Variants in AIF1 observed in about 807,000 individuals in gnomAD.
The protein encoded by AIF1 is interferon gamma responsive transcript.
In AIF1, 21 loss-of-function variants were observed where a neutral mutation model predicts 20.6. The ratio of observed to expected loss-of-function variants is 1.02; its 90% CI spans 0.72 to 1.47. AIF1 has a LOEUF of 1.47. AIF1 is among the 40% of genes most tolerant of loss of function. The pLI, the probability that AIF1 is intolerant of heterozygous loss-of-function variation, is 0.00. For missense variants in AIF1, 161 were observed against 170.5 expected (o/e 0.94, Z 0.31); for synonymous variants, 52 against 65.8 (o/e 0.79, Z 1.01).
chr6:31,615,751 G>A lies in AIF1; in HGVS notation c.154+15G>A. The stretch of plus-strand genomic sequence containing the variant: ...AGGCTTCAAAGGTGAGGGGGAAACT[G>A]TAGGCGGTGGAGACAGGGCTGGGGG... On this transcript the variant is annotated intron_variant, in intron 3 of 5. Coordinates refer to ENST00000376059, the MANE Select transcript of AIF1 (RefSeq NM_001623.5). 2 of 1,602,960 alleles carry A rather than the reference G, an allele frequency of 1.2e-6. No individual in the cohort carries two copies. Among genetic ancestry groups the A allele is most frequent in the Non-Finnish European group, 1.7e-6 (2 of 1,174,216 alleles).
chr6:31,615,564 G>C lies in AIF1; in HGVS notation c.69G>C (p.Arg23Ser). ...FGLLKAQQEE[R>S]LDEINKQFLD... is the part of the protein sequence containing the mutation. ...TGCTGAAGGCCCAGCAGGAAGAGAG[G>C]CTGGATGAGATCAACAAGGTAGAAG... The change falls in exon 2 of 6, where the codon AGG becomes AGC. Residue 23 changes from arginine (R) to serine (S), a missense_variant. By Grantham distance (110) the Arg-to-Ser change is moderately radical. Transcript: ENST00000376059. 6.2e-7 allele frequency: 1 copy of C among 1,613,852 alleles called. No homozygotes were observed. The highest frequency in any genetic ancestry group is 8.5e-7 in the Non-Finnish European group (1 of 1,179,970).
chr6:31,616,868 C>G lies in AIF1; in HGVS notation c.412C>G (p.Pro138Ala). 1 of 1,614,186 alleles carries G rather than the reference C, an allele frequency of 6.2e-7. No homozygotes were observed. Among genetic ancestry groups the G allele is most frequent in the East Asian group, 2.2e-5 (1 of 44,892 alleles). Residue 138 changes from proline to alanine, a missense_variant, in exon 6 of 6, where the codon CCA becomes GCA. Physicochemically the swap from Pro to Ala is conservative, Grantham distance 27. Coordinates refer to ENST00000376059, the MANE Select transcript of AIF1 (RefSeq NM_001623.5). The surrounding 1 kb of genome is among the most constrained non-coding windows in gnomAD (Gnocchi z 4.0). ...AGAAAAGGAAAAGCCAACAGGCCCCCCAGCCAAGAAAGCTATCTCTGAGTT... is the reference window on the plus strand; with the variant it reads ...AGAAAAGGAAAAGCCAACAGGCCCCGCAGCCAAGAAAGCTATCTCTGAGTT... ...AREKEKPTGP[P>A]AKKAISELP
Position 31,616,042 on chromosome 6 carries a change from C to G in AIF1, c.155-62C>G. ...AGCAGTTGGTTGGCAACCCCTTCCT[C>G]AGTCCCCTGCTGAAAACCCTCCAGT... On this transcript the variant is annotated intron_variant, in intron 3 of 5. Coordinates refer to ENST00000376059, the MANE Select transcript of AIF1 (RefSeq NM_001623.5). The surrounding 1 kb of genome is among the most constrained non-coding windows in gnomAD (Gnocchi z 4.0). 3 of 1,526,044 alleles carry G rather than the reference C, an allele frequency of 2.0e-6. No individual in the cohort carries two copies. Among genetic ancestry groups the G allele is most frequent in the Non-Finnish European group, 2.6e-6 (3 of 1,139,180 alleles). The allele number at this position is 1,526,044 out of a possible 1,614,324, so 94.5% of individuals were successfully genotyped here. A position where few individuals can be genotyped will look rare whatever the true frequency, so the allele number is the denominator to read the frequency against.
Position 31,615,665 on chromosome 6 carries a change from C to T in AIF1, c.88-5C>T, listed in dbSNP as rs1351765329. 1.2e-6 allele frequency: 2 copies of T among 1,613,094 alleles called. No homozygotes were observed. The highest frequency in any genetic ancestry group is 2.7e-5 in the African/African-American group (2 of 74,834). On this transcript the variant is annotated splice_region_variant and splice_polypyrimidine_tract_variant and intron_variant, in intron 2 of 5. Transcript: ENST00000376059. The stretch of plus-strand genomic sequence containing the variant: ...CTACCCTGGCTCTTATTTTCCCCTC[C>T]ATAGCAATTCCTAGACGATCCCAAA...
chr6:31,616,396 C>T lies in AIF1; in HGVS notation c.249C>T (p.His83=), dbSNP rs1462917863. 1 of 1,613,002 alleles carries T rather than the reference C, an allele frequency of 6.2e-7. No homozygotes were observed. Among genetic ancestry groups the T allele is most frequent in the South Asian group, 1.1e-5 (1 of 91,072 alleles). Residue 83 remains histidine (H), a synonymous_variant, in exon 5 of 6, where the codon CAC becomes CAT. Coordinates refer to ENST00000376059, the MANE Select transcript of AIF1 (RefSeq NM_001623.5). This position sits in a 1 kb window ranked among gnomAD's most constrained non-coding sequence, Gnocchi z 4.0. ...MLEKLGVPKT[H]LELKKLIGEV... ...AGAAACTTGGAGTCCCCAAGACTCA[C>T]CTAGAGCTAAAGAAATTAATTGGAG... is the stretch of plus-strand genomic sequence containing the variant.
Position 31,616,557 on chromosome 6 carries a change from C to A in AIF1, c.359+51C>A. ...TGTACTTACCTGTTTTCTCCTCCCC[C>A]ATCCCTACCCTTGTCCACAGGCTCA... On this transcript the variant is annotated intron_variant, in intron 5 of 5. Transcript: ENST00000376059. This position sits in a 1 kb window ranked among gnomAD's most constrained non-coding sequence, Gnocchi z 4.0. 2 of 1,551,730 alleles carry A rather than the reference C, an allele frequency of 1.3e-6. No homozygotes were observed. The highest frequency in any genetic ancestry group is 1.7e-6 in the Non-Finnish European group (2 of 1,150,340).
In AIF1 at chr6:31,616,065, A is replaced by C; in HGVS notation, c.155-39A>C. On this transcript the variant is annotated intron_variant, in intron 3 of 5. Coordinates refer to ENST00000376059, the MANE Select transcript of AIF1 (RefSeq NM_001623.5). This position sits in a 1 kb window ranked among gnomAD's most constrained non-coding sequence, Gnocchi z 4.0. ...CTCAGTCCCCTGCTGAAAACCCTCC[A>C]GTCAGCGCTTATCCCTTCTGCTCTC... 1.3e-6 allele frequency: 2 copies of C among 1,538,610 alleles called. No individual in the cohort carries two copies. The highest frequency in any genetic ancestry group is 1.7e-6 in the Non-Finnish European group (2 of 1,143,180).
rs1774441963 is a variant in AIF1, at chr6:31,616,997, T to TA, written c.*100dup. 1.3e-6 allele frequency: 2 copies of TA among 1,517,032 alleles called. No homozygotes were observed. The highest frequency in any genetic ancestry group is 1.8e-6 in the Non-Finnish European group (2 of 1,114,568). 94.0% of individuals were successfully genotyped at this position (1,517,032 alleles called of 1,614,324 possible). On this transcript the variant is annotated 3_prime_UTR_variant, in exon 6 of 6. Transcript: ENST00000376059. This position sits in a 1 kb window ranked among gnomAD's most constrained non-coding sequence, Gnocchi z 4.0. ...TGTAAGCCAGAGTCAACAAATTAAA[T>TA]AAATTACCCCCTCCTCCAGATCAAG...
chr6:31,615,975 C>T (rs1774312347), intron 3 of AIF1, 129 bp from the exon 4 acceptor site: 1 of 1,511,234 alleles, frequency 6.6e-7, no homozygotes, highest in Non-Finnish European at 8.8e-7. Context: ...CCCACTTCCT[C>T]TGCCTGCCCC....
Position 31,615,597 on chromosome 6 carries a change from T to C in AIF1, c.87+15T>C, listed in dbSNP as rs747425422. ...AGATCAACAAGGTAGAAGGAAGAAC[T>C]AAGGGGGCAGAGCCAGGGGGATGGG... On this transcript the variant is annotated intron_variant, in intron 2 of 5. Coordinates refer to ENST00000376059, the MANE Select transcript of AIF1 (RefSeq NM_001623.5). 6.2e-7 allele frequency: 1 copy of C among 1,611,730 alleles called. No individual in the cohort carries two copies. Among genetic ancestry groups the C allele is most frequent in the South Asian group, 1.1e-5 (1 of 91,004 alleles).
chr6:31,616,866 C>A lies in AIF1; in HGVS notation c.410C>A (p.Pro137His). ...KAREKEKPTG[P>H]PAKKAISELP ...AGAGAAAAGGAAAAGCCAACAGGCC[C>A]CCCAGCCAAGAAAGCTATCTCTGAG... Residue 137 changes from proline to histidine, a missense_variant, in exon 6 of 6, where the codon CCC becomes CAC. Coordinates refer to ENST00000376059, the MANE Select transcript of AIF1 (RefSeq NM_001623.5). The surrounding 1 kb of genome is among the most constrained non-coding windows in gnomAD (Gnocchi z 4.0). 6.2e-7 allele frequency: 1 copy of A among 1,614,168 alleles called. No homozygotes were observed. Among genetic ancestry groups the A allele is most frequent in the Non-Finnish European group, 8.5e-7 (1 of 1,180,034 alleles).
intron 3 of AIF1, 118 bp from the exon 4 acceptor site, chr6:31,615,983 CCCT>C: frequency 2.0e-6 from 3 of 1,516,648 alleles, no homozygotes; most frequent in Admixed American, 4.5e-5. Flanking sequence ...CTCTGCCTGC[CCCT>C]CCTCCTCCTT....
At chr6:31,615,609 G>T in intron 2 of AIF1, 27 bp downstream of exon 2, 1 of 1,613,668 alleles carries the variant, frequency 6.2e-7, no homozygotes, top group Non-Finnish European at 8.5e-7. Context: ...AGGGGGCAGA[G>T]CCAGGGGGAT....
rs1561770624 is a variant in AIF1, at chr6:31,616,839, CGA to C, written c.388_389del (p.Glu130LysfsTer15). The stretch of plus-strand genomic sequence containing the variant: ...AGGATCCTGATGTATGAGGAAAAAG[CGA>C]GAGAAAAGGAAAAGCCAACAGGCCC... On this transcript the variant is annotated frameshift_variant, in exon 6 of 6. Transcript: ENST00000376059. LOFTEE classifies it high-confidence loss of function. This position sits in a 1 kb window ranked among gnomAD's most constrained non-coding sequence, Gnocchi z 4.0. 6.2e-7 allele frequency: 1 copy of C among 1,613,936 alleles called. No individual in the cohort carries two copies. The highest frequency in any genetic ancestry group is 1.3e-5 in the African/African-American group (1 of 74,872).
At position 31,616,999 on chromosome 6, in the gene AIF1, A is replaced by C; in HGVS notation, c.*99A>C. ...TAAGCCAGAGTCAACAAATTAAATA[A>C]ATTACCCCCTCCTCCAGATCAAGTC... is the stretch of plus-strand genomic sequence containing the variant. On this transcript the variant is annotated 3_prime_UTR_variant, in exon 6 of 6. Transcript: ENST00000376059. The surrounding 1 kb of genome is among the most constrained non-coding windows in gnomAD (Gnocchi z 4.0). 1 of 1,507,226 alleles carries C rather than the reference A, an allele frequency of 6.6e-7. No homozygotes were observed. Among genetic ancestry groups the C allele is most frequent in the Non-Finnish European group, 9.0e-7 (1 of 1,106,972 alleles). The allele number at this position is 1,507,226 out of a possible 1,614,324, so 93.4% of individuals were successfully genotyped here.
chr6:31,615,235 G>C lies in AIF1; in HGVS notation c.-95G>C, dbSNP rs768865769. ...GGGGAAAGGGGAAGTTTGGGAGGAA[G>C]GCTTCTGAGAAGACTGGTGGGAGAG... is the stretch of plus-strand genomic sequence containing the variant. On this transcript the variant is annotated 5_prime_UTR_variant, in exon 1 of 6. Transcript: ENST00000376059. 9 of 1,602,734 alleles carry C rather than the reference G, an allele frequency of 5.6e-6. No individual in the cohort carries two copies. Among genetic ancestry groups the C allele is most frequent in the Non-Finnish European group, 7.7e-6 (9 of 1,174,570 alleles).
Position 31,616,349 on chromosome 6 carries a change from A to G in AIF1, c.202A>G (p.Met68Val), listed in dbSNP as rs1353310029. Residue 68 changes from methionine to valine, a missense_variant, in exon 5 of 6, where the codon ATG becomes GTG. Transcript: ENST00000376059. This position sits in a 1 kb window ranked among gnomAD's most constrained non-coding sequence, Gnocchi z 4.0. ...TCCCCATCCTCTGCCCCCAGATATC[A>G]TGTCCCTGAAACGAATGCTGGAGAA... ...DLNGNGDIDI[M>V]SLKRMLEKLG... The G allele has an allele frequency of 6.2e-7, 1 of 1,612,884 alleles. No individual in the cohort carries two copies. The highest frequency in any genetic ancestry group is 1.3e-5 in the African/African-American group (1 of 74,976).
chr6:31,615,506 T>C lies in AIF1; in HGVS notation c.26-15T>C. On this transcript the variant is annotated splice_polypyrimidine_tract_variant and intron_variant, in intron 1 of 5. Coordinates refer to ENST00000376059, the MANE Select transcript of AIF1 (RefSeq NM_001623.5). ...AGGGAGGGATGAGGGCTGATTAATT[T>C]TTTTCACCCCACAGGAGGAAAAGCT... 6.2e-7 allele frequency: 1 copy of C among 1,613,588 alleles called. No individual in the cohort carries two copies. Among genetic ancestry groups the C allele is most frequent in the Non-Finnish European group, 8.5e-7 (1 of 1,179,952 alleles).
Position 31,615,520 on chromosome 6 carries a change from G to A in AIF1, c.26-1G>A, listed in dbSNP as rs1373517084. On this transcript the variant is annotated splice_acceptor_variant, in intron 1 of 5. Transcript: ENST00000376059. LOFTEE classifies it high-confidence loss of function. ...GCTGATTAATTTTTTTCACCCCACA[G>A]GAGGAAAAGCTTTCGGACTGCTGAA... The A allele has an allele frequency of 6.2e-7, 1 of 1,613,824 alleles. No individual in the cohort carries two copies. The highest frequency in any genetic ancestry group is 1.7e-5 in the Admixed American group (1 of 59,998).
Sources: allele counts gnomAD v4.1 joint callset, GRCh38; gene constraint gnomAD v4.1.1; non-coding constraint Gnocchi (gnomAD v3.1); transcripts MANE v1.5; gene names NCBI Gene and HGNC (gene_info 2026-07-23, HGNC 2026-07-21).